Variants in NME7 observed in about 807,000 individuals in gnomAD.
NME7 encodes nucleoside diphosphate kinase 7.
A neutral mutation model predicts 49.1 loss-of-function variants in NME7; 41 were observed. That is an observed-to-expected ratio of 0.83 (90% CI 0.65 to 1.08). NME7 has a LOEUF of 1.08. NME7 is among the 50% of genes least tolerant of loss of function. The pLI, the probability that NME7 is intolerant of heterozygous loss-of-function variation, is 0.00. For missense variants in NME7, 423 were observed against 463.4 expected (o/e 0.91, Z 0.80); for synonymous variants, 139 against 150.6 (o/e 0.92, Z 0.56).
intron 2 of NME7, 38 bp downstream of exon 2, chr1:169,324,355 C>T: frequency 7.6e-7 from 1 of 1,308,616 alleles, no homozygotes; most frequent in Non-Finnish European, 1.1e-6. Context: ...CATGTTCACC[C>T]CCTTTGCCAA....
chr1:169,351,058 A>C (rs1020535627), intron 1 of NME7, among the ~76,000 whole-genome samples: 6 of 151,880 alleles, frequency 4.0e-5, no homozygotes, highest in Non-Finnish European at 7.4e-5. Context: ...GGACCAATAC[A>C]CACCCACACC....
In NME7 at chr1:169,346,066, C is replaced by T. The variant is rs189010023; in HGVS notation, c.4-21566G>A. On this transcript the variant is annotated intron_variant, in intron 1 of 11. Coordinates refer to ENST00000367811, the MANE Select transcript of NME7 (RefSeq NM_013330.5). The stretch of plus-strand genomic sequence containing the variant: ...ATACACATTCTAGCCACTTTACTAC[C>T]TCCACTGCAAACCCCCTACTCCAAG... 2.4e-3 allele frequency among the ~76,000 whole-genome samples: 361 copies of T among 152,176 alleles called. 1 individual carries two copies. The highest frequency in any genetic ancestry group is 0.014 in the Middle Eastern group (4 of 294).
At chr1:169,279,681 T>C (rs1202474769) in intron 7 of NME7, among the ~76,000 whole-genome samples, 1 of 152,168 alleles carries the variant, frequency 6.6e-6, no homozygotes, top group African/African-American at 2.4e-5. Flanking sequence ...TCGCGCATGA[T>C]GCGCTGCACC....
chr1:169,167,064 A>G (rs571771134), intron 11 of NME7, among the ~76,000 whole-genome samples: 10 of 152,230 alleles, frequency 6.6e-5, no homozygotes, highest in Non-Finnish European at 1.2e-4. Flanking sequence ...AATAATAAAA[A>G]CAGTATTTTG....
chr1:169,303,610 C>G (rs896708105), intron 4 of NME7, among the ~76,000 whole-genome samples: 1 of 152,142 alleles, frequency 6.6e-6, no homozygotes, highest in African/African-American at 2.4e-5. Context: ...TGCCACAATG[C>G]CCAGCTAATT....
chr1:169,133,438 TAC>T (rs1437674488), intron 11 of NME7, among the ~76,000 whole-genome samples: 2 of 152,196 alleles, frequency 1.3e-5, no homozygotes, highest in Non-Finnish European at 2.9e-5. Context: ...GCTGCCCTCT[TAC>T]AGAGAGACAG....
Position 169,254,167 on chromosome 1 carries a change from A to G in NME7, c.755-16480T>C, listed in dbSNP as rs1447180023. Among the ~76,000 whole-genome samples the G allele has an allele frequency of 4.7e-5, 7 of 150,198 alleles. No individual in the cohort carries two copies. The East Asian group carries it at 1.7e-3, about 37-fold the overall frequency. ...CAGTTCCTCCTTGTACCTCTGGTAGAATTCAGCTGTGAATCCATCTGGTCC... is the reference window on the plus strand; with the variant it reads ...CAGTTCCTCCTTGTACCTCTGGTAGGATTCAGCTGTGAATCCATCTGGTCC... On this transcript the variant is annotated intron_variant, in intron 7 of 11. Transcript: ENST00000367811.
intron 6 of NME7, among the ~76,000 whole-genome samples, chr1:169,295,102 C>A (rs1313048070): frequency 6.6e-6 from 1 of 152,178 alleles, no homozygotes; most frequent in Non-Finnish European, 1.5e-5. Context: ...CCACCTCAGG[C>A]AGTGGAAGCT....
rs1399954786 is a variant in NME7 at position 169,275,954 on chromosome 1, T to A, written c.754+11349A>T. Among the ~76,000 whole-genome samples, 3 of 133,294 alleles carry A rather than the reference T, an allele frequency of 2.3e-5. 1 individual carries two copies. Among genetic ancestry groups the A allele is most frequent in the Non-Finnish European group, 5.3e-5 (3 of 56,506 alleles). 87.4% of individuals were successfully genotyped at this position (133,294 alleles called of 152,430 possible). A position where few individuals can be genotyped will look rare whatever the true frequency, so the allele number is the denominator to read the frequency against. ...ATCTATTGAGATAATCATGTGGTTTTTGTCTTTGGTTCTGTTTATATGCTG... is the reference window on the plus strand; with the variant it reads ...ATCTATTGAGATAATCATGTGGTTTATGTCTTTGGTTCTGTTTATATGCTG... On this transcript the variant is annotated intron_variant, in intron 7 of 11. Coordinates refer to ENST00000367811, the MANE Select transcript of NME7 (RefSeq NM_013330.5).
chr1:169,252,109 AGT>A (rs1395898916), intron 7 of NME7, among the ~76,000 whole-genome samples: 3 of 149,400 alleles, frequency 2.0e-5, no homozygotes, highest in African/African-American at 7.4e-5. Flanking sequence ...TGGTATTTCC[AGT>A]TCTAGATCCC....
intron 11 of NME7, among the ~76,000 whole-genome samples, chr1:169,156,097 T>C (rs1178206945): frequency 6.8e-6 from 1 of 147,588 alleles, no homozygotes; most frequent in Non-Finnish European, 1.5e-5. Flanking sequence ...GTGGGACGAT[T>C]GCTTGAGCCC....
intron 10 of NME7, among the ~76,000 whole-genome samples, chr1:169,174,830 G>A (rs181794794): frequency 1.1e-4 from 17 of 152,308 alleles, no homozygotes; most frequent in African/African-American, 3.6e-4. Context: ...AGGTGAGTCC[G>A]TGAGTGAGTG....
chr1:169,177,314 CT>C (rs1659781444), intron 10 of NME7, among the ~76,000 whole-genome samples: 1 of 152,130 alleles, frequency 6.6e-6, no homozygotes, highest in Admixed American at 6.5e-5. Flanking sequence ...CCATATTCTC[CT>C]GCCTAGAATA....
intron 7 of NME7, among the ~76,000 whole-genome samples, chr1:169,279,625 A>G (rs770725814): frequency 6.6e-6 from 1 of 152,002 alleles, no homozygotes; most frequent in Non-Finnish European, 1.5e-5. Flanking sequence ...GAACTCCCTG[A>G]CCCCTTGCAC....
At chr1:169,284,429 T>A (rs1381188792) in intron 7 of NME7, 1 of 152,120 alleles carries the variant, frequency 6.6e-6, no homozygotes, top group Non-Finnish European at 1.5e-5. Flanking sequence ...GACCACTTTT[T>A]AATGAGGTTG....
At chr1:169,336,385 T>C (rs1018575170) in intron 1 of NME7, among the ~76,000 whole-genome samples, 18 of 152,084 alleles carry the variant, frequency 1.2e-4, no homozygotes, top group African/African-American at 4.3e-4. Flanking sequence ...TTCTCTTATC[T>C]GGCCCCACCC....
At chr1:169,257,025 G>T (rs1338133571) in intron 7 of NME7, among the ~76,000 whole-genome samples, 1 of 132,214 alleles carries the variant, frequency 7.6e-6, no homozygotes, top group South Asian at 2.3e-4. Context: ...TTGTTTGTCT[G>T]TGCCCTGCCC....
intron 7 of NME7, among the ~76,000 whole-genome samples, chr1:169,247,792 C>T (rs1019806899): frequency 3.3e-5 from 5 of 152,078 alleles, no homozygotes; most frequent in African/African-American, 1.2e-4. Context: ...TAGCTCCATC[C>T]AAGTTACTGC....
At chr1:169,216,904 A>G (rs1417959219) in intron 10 of NME7, among the ~76,000 whole-genome samples, 1 of 152,248 alleles carries the variant, frequency 6.6e-6, no homozygotes, top group African/African-American at 2.4e-5. Flanking sequence ...AAGCAGAAGA[A>G]TAACAGATTT....
Sources: allele counts gnomAD v4.1 joint callset (sites outside exome capture counted in the v4.1 genomes callset), GRCh38; gene constraint gnomAD v4.1.1; transcripts MANE v1.5; gene names NCBI Gene and HGNC (gene_info 2026-07-23, HGNC 2026-07-21).